DLG3: variants seen among roughly 807,000 people sequenced by gnomAD.
DLG3 encodes the protein disks large homolog 3.
DLG3 carries 1 observed loss-of-function variant against 64.1 expected under a neutral mutation model. That is an observed-to-expected ratio of 0.02 (90% CI 0.01 to 0.07). The LOEUF is 0.07. DLG3 is among the 10% of genes least tolerant of loss of function. DLG3 has a pLI of 1.00. For synonymous variants in DLG3, 245 were observed against 259.8 expected, an observed-to-expected ratio of 0.94 and a Z score of 0.55; for missense variants, 429 against 669.5, an observed-to-expected ratio of 0.64 and a Z score of 3.96.
intron 12 of DLG3, among the ~76,000 whole-genome samples, chrX:70,494,933 TG>T (rs1402986681): frequency 1.8e-5 from 2 of 112,595 alleles, no homozygotes; most frequent in Non-Finnish European, 3.8e-5. Context: ...TCTGCCTACC[TG>T]GCACACGCGG....
chrX:70,492,435 CA>C, intron 11 of DLG3, 85 bp from the exon 12 acceptor site: 4 of 1,125,776 alleles, frequency 3.6e-6, no homozygotes, highest in East Asian at 3.0e-5. Flanking sequence ...CTCAGTGAGC[CA>C]AAAAAATGGC....
chrX:70,458,838 ACC>A lies in DLG3; in HGVS notation c.1405+4523_1405+4524del, dbSNP rs1421060263. Reference sequence around the variant, plus strand: ...AAACGGTTATGGACACAGCAATCCTACCTATTAGCTAAAAATAGCATGATGTT... The same window carrying A: ...AAACGGTTATGGACACAGCAATCCTATATTAGCTAAAAATAGCATGATGTT... On this transcript the variant is annotated intron_variant, in intron 9 of 18. Coordinates refer to ENST00000374360, the MANE Select transcript of DLG3 (RefSeq NM_021120.4). Among the ~76,000 whole-genome samples the A allele has an allele frequency of 2.8e-3, 316 of 112,903 alleles. 3 individuals carry two copies. The highest frequency in any genetic ancestry group is 9.4e-3 in the African/African-American group (292 of 31,188).
chrX:70,456,350 T>C (rs761777527), intron 9 of DLG3, among the ~76,000 whole-genome samples: 4 of 112,612 alleles, frequency 3.6e-5, no homozygotes, highest in Non-Finnish European at 7.5e-5. Flanking sequence ...TATTTGTGTG[T>C]GTATGTTGTA....
intron 5 of DLG3, 141 bp from the exon 6 acceptor site, chrX:70,450,498 C>A: frequency 1.1e-6 from 1 of 927,902 alleles, no homozygotes; most frequent in Non-Finnish European, 1.5e-6. Flanking sequence ...CTATCCCCTA[C>A]CTCCTGCCTC....
At chrX:70,484,151 C>T (rs1312210776) in intron 10 of DLG3, among the ~76,000 whole-genome samples, 1 of 111,749 alleles carries the variant, frequency 8.9e-6, no homozygotes, top group Admixed American at 9.5e-5. Context: ...CTCAAGAGTA[C>T]AGTTGTAGAA....
Position 70,502,602 on chromosome X carries a change from G to C in DLG3, c.*333G>C. The C allele has an allele frequency of 4.4e-6, 1 of 226,026 alleles. No individual in the cohort carries two copies. The highest frequency in any genetic ancestry group is 8.0e-6 in the Non-Finnish European group (1 of 124,545). 18.6% of individuals were successfully genotyped at this position (226,026 alleles called of 1,213,427 possible). A position where few individuals can be genotyped will look rare whatever the true frequency, so the allele number is the denominator to read the frequency against. ...AAGCAGAAGTGAAGAGAAAAGAGGA[G>C]GACTGATGGAAAGACAGACTCTGGA... On this transcript the variant is annotated 3_prime_UTR_variant, in exon 19 of 19. Coordinates refer to ENST00000374360, the MANE Select transcript of DLG3 (RefSeq NM_021120.4).
At chrX:70,451,783 G>A (rs1050444416) in intron 6 of DLG3, 84 bp from the exon 7 acceptor site, 6 of 1,090,843 alleles carry the variant, frequency 5.5e-6, no homozygotes, top group Non-Finnish European at 7.6e-6. Flanking sequence ...CATCTGAAGT[G>A]GGGTGTGGGG....
At position 70,451,038 on chromosome X, in the gene DLG3, A is replaced by G. The variant is rs1320998865; in HGVS notation, c.985+255A>G. The G allele has an allele frequency of 9.6e-6, 4 of 418,756 alleles. No homozygotes were observed. In the African/African-American group the frequency reaches 1.0e-4, roughly 10 times the overall value. 34.5% of individuals were successfully genotyped at this position (418,756 alleles called of 1,213,427 possible). ...TCTATGGAGAGTGAATTTTAAAAAGAGGAGAGAGAGAAGCCGCAGAGGATA... is the reference window on the plus strand; with the variant it reads ...TCTATGGAGAGTGAATTTTAAAAAGGGGAGAGAGAGAAGCCGCAGAGGATA... On this transcript the variant is annotated intron_variant, in intron 6 of 18. Transcript: ENST00000374360.
At chrX:70,452,318 C>A (rs1462072583) in intron 7 of DLG3, 1 of 1,024,725 alleles carries the variant, frequency 9.8e-7, no homozygotes, top group Non-Finnish European at 1.2e-6. Flanking sequence ...GCTGAGGAGG[C>A]GAGGGCAGCG....
At chrX:70,448,087 C>T (rs2086584878) in intron 1 of DLG3, among the ~76,000 whole-genome samples, 1 of 111,777 alleles carries the variant, frequency 8.9e-6, no homozygotes, top group African/African-American at 3.3e-5. Flanking sequence ...AATCAAAAAT[C>T]CTTTGGTAGA....
Position 70,452,790 on chromosome X carries a change from G to A in DLG3, c.1145+764G>A, listed in dbSNP as rs1453532472. On this transcript the variant is annotated intron_variant, in intron 7 of 18. Coordinates refer to ENST00000374360, the MANE Select transcript of DLG3 (RefSeq NM_021120.4). ...GAGGGCTAGGAGCAAGAGCATCCGG[G>A]ACTCAGGGAGGGAGTCTCGCCCCTG... 4 of 1,117,670 alleles carry A rather than the reference G, an allele frequency of 3.6e-6. No homozygotes were observed. The African/African-American group carries it at 5.5e-5, about 15-fold the overall frequency. 92.1% of individuals were successfully genotyped at this position (1,117,670 alleles called of 1,213,427 possible).
At chrX:70,466,087 T>C (rs1440322043) in intron 9 of DLG3, among the ~76,000 whole-genome samples, 5 of 112,345 alleles carry the variant, frequency 4.5e-5, no homozygotes, top group African/African-American at 1.6e-4. Context: ...AGTATAAGAA[T>C]GTCTATTTCA....
chrX:70,453,803 C>G lies in DLG3; in HGVS notation c.1302+10C>G, dbSNP rs1334666728. 3 of 1,178,801 alleles carry G rather than the reference C, an allele frequency of 2.5e-6. No individual in the cohort carries two copies. In the Admixed American group the frequency reaches 6.9e-5, roughly 27 times the overall value. ...AGACCGGATCTTATCGGTGAGGAGA[C>G]AAAGGAGAGGTGGGAGGATGGGAAC... On this transcript the variant is annotated intron_variant, in intron 8 of 18. Coordinates refer to ENST00000374360, the MANE Select transcript of DLG3 (RefSeq NM_021120.4).
In DLG3 at chrX:70,445,144, TGGCGGCGGC is replaced by T. The variant is rs1178692763; in HGVS notation, c.-56_-48del. On this transcript the variant is annotated 5_prime_UTR_variant, in exon 1 of 19. Transcript: ENST00000374360. ...GCGGCGGCGGCGGTGGTGGCGGCGGTGGCGGCGGCGTGGAATCCGGCGTGGGCTGGGGGG... is the reference window on the plus strand; with the variant it reads ...GCGGCGGCGGCGGTGGTGGCGGCGGTGTGGAATCCGGCGTGGGCTGGGGGG... 1.2e-5 allele frequency: 12 copies of T among 965,699 alleles called. No homozygotes were observed. Among genetic ancestry groups the T allele is most frequent in the Non-Finnish European group, 1.7e-5 (12 of 723,070 alleles). 79.6% of individuals were successfully genotyped at this position (965,699 alleles called of 1,213,427 possible). A position where few individuals can be genotyped will look rare whatever the true frequency, so the allele number is the denominator to read the frequency against.
At position 70,504,464 on chromosome X, in the gene DLG3, C is replaced by G. The variant is rs1484444166; in HGVS notation, c.*2195C>G. The stretch of plus-strand genomic sequence containing the variant: ...AAACTTTTGGGGGCCAGAGGGCTCT[C>G]TCCTTAGTGATGATCAGCTAGCCGA... On this transcript the variant is annotated 3_prime_UTR_variant, in exon 19 of 19. Transcript: ENST00000374360. The G allele has an allele frequency of 8.9e-6, 1 of 112,178 alleles. No homozygotes were observed. The highest frequency in any genetic ancestry group is 3.3e-5 in the African/African-American group (1 of 30,731). The allele number at this position is 112,178 out of a possible 1,213,427, so 9.2% of individuals were successfully genotyped here.
In DLG3 at chrX:70,445,322, C is replaced by T; in HGVS notation, c.121C>T (p.Pro41Ser). ...CTGGCAAGTCCCCGACCCTTACGGG[C>T]CAGGTGGGGGCAACGGCGCCAGCGC... is the stretch of plus-strand genomic sequence containing the variant. ...GDWQVPDPYG[P>S]GGGNGASAGY... is the part of the protein sequence containing the mutation. The change falls in exon 1 of 19, where the codon CCA becomes TCA. Residue 41 changes from proline (P) to serine (S), a missense_variant. Around this residue, in one of 9 missense-constraint regions of DLG3, gnomAD observed 123 missense variants for 113.3 expected, o/e 1.09. Transcript: ENST00000374360. The T allele has an allele frequency of 8.6e-7, 1 of 1,167,584 alleles. No individual in the cohort carries two copies. Among genetic ancestry groups the T allele is most frequent in the Non-Finnish European group, 1.1e-6 (1 of 874,795 alleles).
chrX:70,469,033 C>CAAGGTGTT (rs1303530645), intron 9 of DLG3, among the ~76,000 whole-genome samples: 1 of 110,886 alleles, frequency 9.0e-6, no homozygotes, highest in Non-Finnish European at 1.9e-5. Context: ...TATTTTCAGA[C>CAAGGTGTT]AAGGTGTTAC....
intron 1 of DLG3, among the ~76,000 whole-genome samples, chrX:70,445,926 G>T (rs1266241443): frequency 2.0e-5 from 2 of 101,101 alleles, no homozygotes; most frequent in Non-Finnish European, 4.0e-5. Flanking sequence ...CACCGGAGGG[G>T]AGGGGAGGGG....
At chrX:70,491,631 G>C (rs765831029) in intron 10 of DLG3, among the ~76,000 whole-genome samples, 2 of 112,376 alleles carry the variant, frequency 1.8e-5, no homozygotes, top group South Asian at 7.4e-4. Context: ...CTTTTTCTTT[G>C]GCTGCCCGAG....
Sources: gnomAD v4.1 joint callset for allele counts (sites outside exome capture counted in the v4.1 genomes callset) on GRCh38, gnomAD v4.1.1 for gene constraint, gnomAD v4.1.1 regional missense constraint, MANE v1.5 for transcripts, NCBI Gene and HGNC (gene_info 2026-07-23, HGNC 2026-07-21) for gene names.